Variants in NRG3 observed in about 807,000 individuals in gnomAD.
The protein encoded by NRG3 is neuregulin 3.
In NRG3, 31 loss-of-function variants were observed where a neutral mutation model predicts 66.9. The observed-to-expected ratio is 0.46, with a 90% CI of 0.35 to 0.63. NRG3 has a LOEUF of 0.63. Ranked by LOEUF, NRG3 falls within the 20% of genes least tolerant of loss-of-function variation. The pLI, the probability that NRG3 is intolerant of heterozygous loss-of-function variation, is 0.00. For missense variants in NRG3, 910 were observed against 878.9 expected (o/e 1.04, Z -0.45); for synonymous variants, 393 against 359.4 (o/e 1.09, Z -1.06).
chr10:81,951,292 G>A (rs1469048141), intron 1 of NRG3, among the ~76,000 whole-genome samples: 1 of 152,116 alleles, frequency 6.6e-6, no homozygotes, highest in Non-Finnish European at 1.5e-5. Context: ...GCTGTTGTCT[G>A]TCCTTTTTCC....
intron 2 of NRG3, among the ~76,000 whole-genome samples, chr10:82,516,385 C>T (rs1845659403): frequency 6.6e-6 from 1 of 152,114 alleles, no homozygotes; most frequent in Non-Finnish European, 1.5e-5. Flanking sequence ...CAAGATCAGC[C>T]TCATGACCAG....
intron 3 of NRG3, among the ~76,000 whole-genome samples, chr10:82,740,705 T>C (rs958468679): frequency 2.0e-5 from 3 of 150,052 alleles, no homozygotes; most frequent in Non-Finnish European, 4.4e-5. Context: ...GTGCCTGTAG[T>C]CTCAGCTACC....
At chr10:82,346,733 C>T (rs1378533737) in intron 1 of NRG3, among the ~76,000 whole-genome samples, 2 of 151,810 alleles carry the variant, frequency 1.3e-5, no homozygotes, top group African/African-American at 4.8e-5. Context: ...ATTATTGCCA[C>T]AATTTCAGAT....
chr10:82,677,194 G>A (rs2053765412), intron 2 of NRG3, among the ~76,000 whole-genome samples: 1 of 151,632 alleles, frequency 6.6e-6, no homozygotes, highest in African/African-American at 2.4e-5. Flanking sequence ...TGGGACAACA[G>A]GTGTGCACCA....
chr10:82,543,838 A>G (rs7914789), intron 2 of NRG3, among the ~76,000 whole-genome samples: 1 of 152,140 alleles, frequency 6.6e-6, no homozygotes, highest in African/African-American at 2.4e-5. Context: ...CTGATAAATC[A>G]TGGTAACTTC....
chr10:81,958,862 G>T (rs1473804319), intron 1 of NRG3, among the ~76,000 whole-genome samples: 1 of 152,008 alleles, frequency 6.6e-6, no homozygotes, highest in African/African-American at 2.4e-5. Context: ...CTACACTCCA[G>T]CTGGGGCAAC....
intron 4 of NRG3, among the ~76,000 whole-genome samples, chr10:82,915,512 CAATATT>C (rs1845744451): frequency 6.6e-6 from 1 of 152,038 alleles, no homozygotes; most frequent in Non-Finnish European, 1.5e-5. Flanking sequence ...TTAAAATAAA[CAATATT>C]CCTGGCACAC....
At chr10:82,538,827 A>G (rs2043340356) in intron 2 of NRG3, among the ~76,000 whole-genome samples, 1 of 152,180 alleles carries the variant, frequency 6.6e-6, no homozygotes, top group Non-Finnish European at 1.5e-5. Context: ...TGTCCAAACC[A>G]TGTATTAATA....
intron 1 of NRG3, among the ~76,000 whole-genome samples, chr10:82,201,347 G>A (rs145729944): frequency 1.3e-5 from 2 of 152,072 alleles, no homozygotes; most frequent in African/African-American, 2.4e-5. Context: ...GTTCTTTGGT[G>A]TTCTAATACT....
At chr10:82,401,397 G>GAC (rs3068949) in intron 2 of NRG3, among the ~76,000 whole-genome samples, 62,367 of 151,378 alleles carry the variant, frequency 0.41, 15,900 homozygotes, top group African/African-American at 0.72. Context: ...ATTATATATA[G>GAC]ACACACACAT....
intron 2 of NRG3, among the ~76,000 whole-genome samples, chr10:82,559,659 G>A (rs1410807518): frequency 6.6e-6 from 1 of 152,146 alleles, no homozygotes; most frequent in African/African-American, 2.4e-5. Flanking sequence ...TATTTGTATG[G>A]CAAAGTGCAA....
At chr10:82,759,873 C>T (rs999059924) in intron 3 of NRG3, among the ~76,000 whole-genome samples, 22 of 151,824 alleles carry the variant, frequency 1.4e-4, no homozygotes, top group African/African-American at 4.3e-4. Context: ...TAAGAAACAG[C>T]GGAAGGAAGG....
intron 1 of NRG3, among the ~76,000 whole-genome samples, chr10:82,188,132 G>A (rs1234199899): frequency 6.6e-6 from 1 of 152,042 alleles, no homozygotes; most frequent in Non-Finnish European, 1.5e-5. Context: ...CAAAGGAACA[G>A]AATAGAGAGC....
In NRG3 at chr10:82,985,128, A is replaced by G. The variant is rs149960572; in HGVS notation, c.1614A>G (p.Arg538=). Residue 538 remains arginine, a synonymous_variant, in exon 9 of 9, where the codon CGA becomes CGG. Transcript: ENST00000372141. ...CATCCAGTGGTTTAAAAACCCAACG[A>G]AATACATCAATAAATATGCAACTGC... ...GYSSSGLKTQ[R]NTSINMQLPS... is the part of the protein sequence containing the mutation. 52 of 1,613,822 alleles carry G rather than the reference A, an allele frequency of 3.2e-5. No individual in the cohort carries two copies. The highest frequency in any genetic ancestry group is 4.2e-5 in the Non-Finnish European group (50 of 1,179,952).
chr10:82,503,795 C>A (rs897154252), intron 2 of NRG3, among the ~76,000 whole-genome samples: 9 of 152,290 alleles, frequency 5.9e-5, no homozygotes, highest in African/African-American at 2.2e-4. Context: ...CAACCTCATA[C>A]ACAGTCATAC....
chr10:82,720,745 C>G (rs2057247153), intron 2 of NRG3, among the ~76,000 whole-genome samples: 1 of 149,434 alleles, frequency 6.7e-6, no homozygotes, highest in Admixed American at 6.7e-5. Context: ...TGTAGAAGTT[C>G]TTTCTGATAG....
At chr10:82,076,949 G>A (rs1388531027) in intron 1 of NRG3, among the ~76,000 whole-genome samples, 1 of 152,184 alleles carries the variant, frequency 6.6e-6, no homozygotes, top group Non-Finnish European at 1.5e-5. Flanking sequence ...TGCTTCATCT[G>A]TAAAAAGGCA....
chr10:82,976,690 C>T (rs1284580959), intron 7 of NRG3, among the ~76,000 whole-genome samples: 1 of 152,118 alleles, frequency 6.6e-6, no homozygotes, highest in Non-Finnish European at 1.5e-5. Context: ...CTCTTATGTC[C>T]TCTGGTTTCT....
In NRG3 at chr10:82,985,841, G is replaced by A. The variant is rs11196741; in HGVS notation, c.*236G>A. The A allele has an allele frequency of 1.6e-3, 758 of 478,404 alleles. 4 individuals carry two copies. Among genetic ancestry groups the A allele is most frequent in the African/African-American group, 0.014 (695 of 50,916 alleles). The allele number at this position is 478,404 out of a possible 1,614,324, so 29.6% of individuals were successfully genotyped here. On this transcript the variant is annotated 3_prime_UTR_variant, in exon 9 of 9. Transcript: ENST00000372141. Reference sequence around the variant, plus strand: ...TGGGTAGAATTCTGAATCCAATTTCGTTTAGTCCCAACACTGTCCTCTTTG... The same window carrying A: ...TGGGTAGAATTCTGAATCCAATTTCATTTAGTCCCAACACTGTCCTCTTTG...
Sources: allele counts gnomAD v4.1 joint callset (sites outside exome capture counted in the v4.1 genomes callset), GRCh38; gene constraint gnomAD v4.1.1; transcripts MANE v1.5; gene names NCBI Gene and HGNC (gene_info 2026-07-23, HGNC 2026-07-21).